USO1: variants seen among roughly 807,000 people sequenced by gnomAD.
USO1 encodes USO1 vesicle transport factor, also known as general vesicular transport factor p115.
In USO1, 57 loss-of-function variants were observed where a neutral mutation model predicts 124.5. The ratio of observed to expected loss-of-function variants is 0.46; its 90% confidence interval spans 0.37 to 0.57. The LOEUF (loss-of-function observed/expected upper bound fraction) is 0.57. USO1 is among the 20% of genes least tolerant of loss of function. The pLI is 0.00. For missense variants in USO1, 900 were observed against 1,040.6 expected, an observed-to-expected ratio of 0.86 and a Z score of 1.86; for synonymous variants, 369 against 362.8, an observed-to-expected ratio of 1.02 and a Z score of -0.19.
intron 20 of USO1, 36 bp from the exon 21 acceptor site, chr4:75,808,917 A>G: frequency 4.5e-6 from 7 of 1,550,726 alleles, no homozygotes; most frequent in Non-Finnish European, 6.1e-6. Flanking sequence ...ATTTAATACC[A>G]TTTAATGTTA....
chr4:75,806,152 C>A (rs994244358), intron 19 of USO1, among the ~76,000 whole-genome samples: 6 of 152,052 alleles, frequency 3.9e-5, no homozygotes, highest in African/African-American at 1.4e-4. Flanking sequence ...CTGCCACGTC[C>A]GGCTAATTTT....
intron 12 of USO1, 119 bp downstream of exon 12, chr4:75,790,916 A>G: frequency 8.2e-7 from 1 of 1,219,328 alleles, no homozygotes; most frequent in Non-Finnish European, 1.1e-6. Flanking sequence ...GGAGAGAAAA[A>G]AAAAAAACAA....
At chr4:75,725,380 G>A (rs1205748035) in intron 1 of USO1, among the ~76,000 whole-genome samples, 1 of 152,192 alleles carries the variant, frequency 6.6e-6, no homozygotes, top group African/African-American at 2.4e-5. Context: ...ATTTGGCTAA[G>A]AATAAAACGA....
intron 5 of USO1, 99 bp downstream of exon 5, chr4:75,770,638 A>G (rs1721901653): frequency 6.8e-7 from 1 of 1,470,082 alleles, no homozygotes; most frequent in Admixed American, 2.7e-5. Flanking sequence ...CTTTAAAGGT[A>G]GTAAAGTTTA....
intron 8 of USO1, among the ~76,000 whole-genome samples, chr4:75,782,467 T>A (rs183736937): frequency 3.9e-5 from 6 of 152,320 alleles, no homozygotes; most frequent in African/African-American, 1.2e-4. Context: ...AGGCGATTGG[T>A]TACTTGACAT....
chr4:75,796,358 C>T (rs1198460784), intron 13 of USO1, among the ~76,000 whole-genome samples: 10 of 25,336 alleles, frequency 3.9e-4, no homozygotes, highest in Admixed American at 7.4e-4. Context: ...TTTTTTGAGA[C>T]GGAGTCTCAC....
At chr4:75,748,449 A>G (rs1046010174) in intron 1 of USO1, among the ~76,000 whole-genome samples, 1 of 152,072 alleles carries the variant, frequency 6.6e-6, no homozygotes, top group Non-Finnish European at 1.5e-5. Context: ...TCAGCCTCCC[A>G]AAGTGCTGGG....
chr4:75,740,496 C>G (rs191437298), intron 1 of USO1, among the ~76,000 whole-genome samples: 156 of 152,290 alleles, frequency 1.0e-3, no homozygotes, highest in African/African-American at 3.6e-3. Flanking sequence ...CTGTGTTGCC[C>G]AGGCTGATCA....
intron 17 of USO1, among the ~76,000 whole-genome samples, chr4:75,803,256 T>C (rs1722904616): frequency 6.6e-6 from 1 of 152,088 alleles, no homozygotes; most frequent in African/African-American, 2.4e-5. Context: ...TATGATAGAA[T>C]GTTAAGTAAA....
In USO1 at chr4:75,787,151, G is replaced by A; in HGVS notation, c.945G>A (p.Gln315=). Residue 315 remains glutamine (Q), a synonymous_variant, in exon 10 of 24, where the codon CAG becomes CAA. Transcript: ENST00000514213. ...KAMFQCGLLQ[Q]LCTILMATGV... Reference sequence around the variant, plus strand: ...TGTTCCAGTGTGGGTTATTGCAGCAGCTTTGTACTATCCTAATGGCTACTG... The same window carrying A: ...TGTTCCAGTGTGGGTTATTGCAGCAACTTTGTACTATCCTAATGGCTACTG... 6.2e-7 allele frequency: 1 copy of A among 1,605,046 alleles called. No individual in the cohort carries two copies. The highest frequency in any genetic ancestry group is 2.3e-5 in the East Asian group (1 of 43,690).
In USO1 at chr4:75,728,847, G is replaced by A. The variant is rs375776390; in HGVS notation, c.66+3962G>A. On this transcript the variant is annotated intron_variant, in intron 1 of 23. Transcript: ENST00000514213. ...AGAGTCTCGCTCTGTGGCCCAGGCT[G>A]GAGTGCAGTGGCGCAATCTTGGCTC... Among the ~76,000 whole-genome samples, 99 of 152,190 alleles carry A rather than the reference G, an allele frequency of 6.5e-4. 1 individual carries two copies. The highest frequency in any genetic ancestry group is 2.3e-3 in the African/African-American group (94 of 41,554).
At chr4:75,799,870 A>G (rs1206936382) in intron 14 of USO1, 138 bp downstream of exon 14, 2 of 1,006,240 alleles carry the variant, frequency 2.0e-6, no homozygotes, top group Admixed American at 3.0e-5. Context: ...TTAAACTGTT[A>G]AAGTTGTTAT....
At chr4:75,799,549 G>T in intron 13 of USO1, 73 bp from the exon 14 acceptor site, 3 of 1,533,934 alleles carry the variant, frequency 2.0e-6, no homozygotes, top group Non-Finnish European at 2.7e-6. Flanking sequence ...CAAATGGAAG[G>T]GATCTTAGGG....
chr4:75,763,938 G>C (rs886364523), intron 4 of USO1, among the ~76,000 whole-genome samples: 3 of 152,014 alleles, frequency 2.0e-5, no homozygotes, highest in Non-Finnish European at 4.4e-5. Flanking sequence ...TTAAAGCTTT[G>C]TGTATTACCT....
intron 4 of USO1, chr4:75,760,532 A>G: frequency 2.5e-6 from 1 of 395,626 alleles, no homozygotes; most frequent in Non-Finnish European, 4.5e-6. Context: ...ATACTACTAC[A>G]TTAAAAAACT....
intron 7 of USO1, among the ~76,000 whole-genome samples, chr4:75,772,351 C>T (rs1029276884): frequency 1.1e-4 from 16 of 152,074 alleles, no homozygotes; most frequent in Admixed American, 9.2e-4. Context: ...ATTTTTCTGC[C>T]TCAGCCTCTC....
At position 75,742,929 on chromosome 4, in the gene USO1, G is replaced by A. The variant is rs1034442465; in HGVS notation, c.67-9444G>A. On this transcript the variant is annotated intron_variant, in intron 1 of 23. Coordinates refer to ENST00000514213, the MANE Select transcript of USO1 (RefSeq NM_003715.4). ...CTTTGGTCGGTTTCCAAGAGAATGAGGTTCCAGCAACAAAGCCTGCTTCAG... is the reference window on the plus strand; with the variant it reads ...CTTTGGTCGGTTTCCAAGAGAATGAAGTTCCAGCAACAAAGCCTGCTTCAG... 3.9e-5 allele frequency among the ~76,000 whole-genome samples: 6 copies of A among 152,074 alleles called. 1 individual carries two copies. Among genetic ancestry groups the A allele is most frequent in the African/African-American group, 1.4e-4 (6 of 41,396 alleles).
chr4:75,762,936 A>T (rs1721660511), intron 4 of USO1, among the ~76,000 whole-genome samples: 1 of 152,246 alleles, frequency 6.6e-6, no homozygotes, highest in African/African-American at 2.4e-5. Context: ...TCAAAACAAA[A>T]ACAACAAAAA....
intron 8 of USO1, among the ~76,000 whole-genome samples, chr4:75,780,674 G>A (rs985487473): frequency 1.8e-5 from 2 of 108,460 alleles, no homozygotes; most frequent in Non-Finnish European, 3.5e-5. Flanking sequence ...TTGAGATGGA[G>A]TCTCACTCTG....
Sources: gnomAD v4.1 joint callset for allele counts (sites outside exome capture counted in the v4.1 genomes callset) on GRCh38, gnomAD v4.1.1 for gene constraint, MANE v1.5 for transcripts, NCBI Gene and HGNC (gene_info 2026-07-23, HGNC 2026-07-21) for gene names.